The following CNTN2 variants were observed in gnomAD, a reference collection of about 807,000 sequenced individuals.
CNTN2 encodes the protein contactin-2.
CNTN2 carries 53 observed loss-of-function variants against 117.5 expected under a neutral mutation model. The ratio of observed to expected loss-of-function variants is 0.45; its 90% CI spans 0.36 to 0.57. The LOEUF is 0.57. Among genes scored for constraint, CNTN2 ranks in the 20% least tolerant of loss-of-function variants. CNTN2 has a pLI of 0.00. For synonymous variants in CNTN2, 530 were observed against 561.7 expected, an observed-to-expected ratio of 0.94 and a Z score of 0.80; for missense variants, 1,106 against 1,404.3, an observed-to-expected ratio of 0.79 and a Z score of 3.39.
At position 205,059,472 on chromosome 1, in the gene CNTN2, T is replaced by C; in HGVS notation, c.698-111T>C. On this transcript the variant is annotated intron_variant, in intron 6 of 22. Transcript: ENST00000331830. This position sits in a 1 kb window ranked among gnomAD's most constrained non-coding sequence, Gnocchi z 5.6. ...CCCTTGCCCCAGGCCTCAAGGAGAT[T>C]CCACACAGCTGCCTAGACAGAGTTG... 4.8e-6 allele frequency: 6 copies of C among 1,243,036 alleles called. No homozygotes were observed. The highest frequency in any genetic ancestry group is 7.0e-6 in the Non-Finnish European group (6 of 856,156). The allele number at this position is 1,243,036 out of a possible 1,614,324, so 77.0% of individuals were successfully genotyped here. A position where few individuals can be genotyped will look rare whatever the true frequency, so the allele number is the denominator to read the frequency against.
rs144433031 is a variant in CNTN2, at chr1:205,069,092, G to A, written c.2126-399G>A. The A allele has an allele frequency of 5.6e-4, 94 of 168,012 alleles. 2 individuals carry two copies. In the East Asian group the frequency reaches 0.013, roughly 23 times the overall value. 10.4% of individuals were successfully genotyped at this position (168,012 alleles called of 1,614,324 possible). ...ATTTATTCCCCTTATTTTAAAGCGA[G>A]TGAGAGTTGGTCTCTGTGATTTAGT... On this transcript the variant is annotated intron_variant, in intron 16 of 22. Transcript: ENST00000331830.
At position 205,069,866 on chromosome 1, in the gene CNTN2, T is replaced by G; in HGVS notation, c.2236T>G (p.Tyr746Asp). The change falls in exon 18 of 23, where the codon TAC (tyrosine) becomes GAC (aspartate). Residue 746 changes from tyrosine (Y) to aspartate (D), a missense_variant. Physicochemically the swap from Tyr to Asp is radical, Grantham distance 160. Coordinates refer to ENST00000331830, the MANE Select transcript of CNTN2 (RefSeq NM_005076.5). Reference sequence around the variant, plus strand: ...GTACCAGAACGGAGACGGCTTCGGCTACCTGCTGTCCTTCCGCAGGCAGGG... The same window carrying G: ...GTACCAGAACGGAGACGGCTTCGGCGACCTGCTGTCCTTCCGCAGGCAGGG... ...REYQNGDGFG[Y>D]LLSFRRQGST... The G allele has an allele frequency of 3.1e-6, 5 of 1,613,822 alleles. No individual in the cohort carries two copies. The highest frequency in any genetic ancestry group is 4.2e-6 in the Non-Finnish European group (5 of 1,179,990).
At position 205,073,496 on chromosome 1, in the gene CNTN2, A is replaced by G; in HGVS notation, c.3014-160A>G. The G allele has an allele frequency of 1.3e-6, 1 of 745,456 alleles. No individual in the cohort carries two copies. The allele number at this position is 745,456 out of a possible 1,614,324, so 46.2% of individuals were successfully genotyped here. Reference sequence around the variant, plus strand: ...ACCAACCAGCAATAGCAAACGGCCTACAAAGCACCGTAGGAGTCGGACTGA... The same window carrying G: ...ACCAACCAGCAATAGCAAACGGCCTGCAAAGCACCGTAGGAGTCGGACTGA... On this transcript the variant is annotated intron_variant, in intron 22 of 22. Coordinates refer to ENST00000331830, the MANE Select transcript of CNTN2 (RefSeq NM_005076.5). The surrounding 1 kb of genome is among the most constrained non-coding windows in gnomAD (Gnocchi z 6.3).
At chr1:205,047,675 T>G (rs2096444038) in intron 1 of CNTN2, among the ~76,000 whole-genome samples, 1 of 152,092 alleles carries the variant, frequency 6.6e-6, no homozygotes, top group African/African-American at 2.4e-5. Flanking sequence ...GCCCAGGAGA[T>G]TGTGGGTTTG....
intron 16 of CNTN2, chr1:205,067,952 AAAAG>A (rs1558551863): frequency 6.5e-6 from 1 of 153,070 alleles, no homozygotes; most frequent in African/African-American, 2.5e-5. Context: ...AAAAAAAAAA[AAAAG>A]AAAGAAAAAA....
At position 205,059,615 on chromosome 1, in the gene CNTN2, C is replaced by T. The variant is rs746384894; in HGVS notation, c.730C>T (p.Arg244Trp). The change falls in exon 7 of 23, where the codon CGG becomes TGG. Residue 244 changes from arginine (R) to tryptophan (W), a missense_variant. Transcript: ENST00000331830. This position sits in a 1 kb window ranked among gnomAD's most constrained non-coding sequence, Gnocchi z 5.6. ...GCTCTTTGCACCCAGCATCAAGGCC[C>T]GGTTCCCAGCAGAGACCTATGCACT... ...TRLFAPSIKA[R>W]FPAETYALVG... The T allele has an allele frequency of 1.5e-5, 25 of 1,614,072 alleles. No individual in the cohort carries two copies. Among genetic ancestry groups the T allele is most frequent in the Non-Finnish European group, 1.8e-5 (21 of 1,180,040 alleles).
intron 2 of CNTN2, among the ~76,000 whole-genome samples, chr1:205,056,953 C>A (rs1653662896): frequency 6.6e-6 from 1 of 152,202 alleles, no homozygotes; most frequent in Non-Finnish European, 1.5e-5. Flanking sequence ...GCTGGGTGAC[C>A]ATGGGCAAGT....
At chr1:205,069,331 C>T in intron 16 of CNTN2, 160 bp from the exon 17 acceptor site, 1 of 586,450 alleles carries the variant, frequency 1.7e-6, no homozygotes, top group South Asian at 2.3e-5. Flanking sequence ...TCAGGACTGC[C>T]TGACTCCAAA....
Position 205,049,282 on chromosome 1 carries a change from ACACAC to A in CNTN2, c.-86-3817_-86-3813del, listed in dbSNP as rs1558534838. The stretch of plus-strand genomic sequence containing the variant: ...GCAAGGGGCTGAGTCCTCACACCCG[ACACAC>A]ACACACACACACACACACACACACA... On this transcript the variant is annotated intron_variant, in intron 1 of 22. Transcript: ENST00000331830. Among the ~76,000 whole-genome samples, 371 of 48,866 alleles carry A rather than the reference ACACAC, an allele frequency of 7.6e-3. 3 individuals are homozygous for A. Among genetic ancestry groups the A allele is most frequent in the East Asian group, 0.034 (128 of 3,726 alleles). The allele number at this position is 48,866 out of a possible 152,430, so 32.1% of individuals were successfully genotyped here.
intron 1 of CNTN2, among the ~76,000 whole-genome samples, chr1:205,044,005 A>G (rs1252113008): frequency 6.6e-6 from 1 of 152,086 alleles, no homozygotes; most frequent in African/African-American, 2.4e-5. Context: ...GGCCAGTCAC[A>G]TCCCAAAGGG....
At chr1:205,063,905 A>G (rs1654120180) in intron 10 of CNTN2, among the ~76,000 whole-genome samples, 1 of 151,992 alleles carries the variant, frequency 6.6e-6, no homozygotes, top group South Asian at 2.1e-4. Flanking sequence ...AGAGAGAGAG[A>G]GAGAAAAAAA....
chr1:205,052,349 A>G (rs919855102), intron 1 of CNTN2, among the ~76,000 whole-genome samples: 2 of 152,232 alleles, frequency 1.3e-5, no homozygotes, highest in Non-Finnish European at 2.9e-5. Context: ...CTGATGGGAC[A>G]GGCATCTGAC....
Position 205,058,448 on chromosome 1 carries a change from G to A in CNTN2, c.391+92G>A, listed in dbSNP as rs536047902. ...AAAGGATAAGGGACACCCTCAAGCCGGGCCTTCCTGACCTCACATGACATG... is the reference window on the plus strand; with the variant it reads ...AAAGGATAAGGGACACCCTCAAGCCAGGCCTTCCTGACCTCACATGACATG... On this transcript the variant is annotated intron_variant, in intron 4 of 22. Transcript: ENST00000331830. This position sits in a 1 kb window ranked among gnomAD's most constrained non-coding sequence, Gnocchi z 4.3. 1.9e-4 allele frequency: 297 copies of A among 1,538,656 alleles called. No homozygotes were observed. The highest frequency in any genetic ancestry group is 2.4e-4 in the Admixed American group (13 of 55,302).
chr1:205,051,371 AGGG>A (rs1428899235), intron 1 of CNTN2, among the ~76,000 whole-genome samples: 1 of 152,232 alleles, frequency 6.6e-6, no homozygotes, highest in African/African-American at 2.4e-5. Flanking sequence ...AGACATGGAC[AGGG>A]CCTTGCAGGA....
chr1:205,053,460 CAT>C (rs2151186097), intron 2 of CNTN2, among the ~76,000 whole-genome samples: 1 of 152,162 alleles, frequency 6.6e-6, no homozygotes, highest in East Asian at 1.9e-4. Flanking sequence ...ATGTCTTTGC[CAT>C]ATTATAGATG....
At position 205,065,244 on chromosome 1, in the gene CNTN2, C is replaced by A. The variant is rs770974958; in HGVS notation, c.1677C>A (p.His559Gln). The A allele has an allele frequency of 8.1e-6, 13 of 1,614,050 alleles. 1 individual carries two copies. The highest frequency in any genetic ancestry group is 1.3e-5 in the African/African-American group (1 of 74,922). ...FPIDFDKPGG[H>Q]YRRTNVKETI... Reference sequence around the variant, plus strand: ...TCGACTTTGATAAGCCTGGAGGGCACTACCGGAGAACTAATGTGGTGAGAC... The same window carrying A: ...TCGACTTTGATAAGCCTGGAGGGCAATACCGGAGAACTAATGTGGTGAGAC... Residue 559 changes from histidine to glutamine, a missense_variant, in exon 13 of 23, where the codon CAC (histidine) becomes CAA (glutamine). Transcript: ENST00000331830. This position sits in a 1 kb window ranked among gnomAD's most constrained non-coding sequence, Gnocchi z 4.1.
intron 20 of CNTN2, 24 bp downstream of exon 20, chr1:205,072,157 G>C: frequency 6.3e-7 from 1 of 1,585,110 alleles, no homozygotes. Context: ...CCTGGGGTGG[G>C]GGTAGGGCAA....
In CNTN2 at chr1:205,059,512, T is replaced by C. The variant is rs1304767306; in HGVS notation, c.698-71T>C. On this transcript the variant is annotated intron_variant, in intron 6 of 22. Coordinates refer to ENST00000331830, the MANE Select transcript of CNTN2 (RefSeq NM_005076.5). This position sits in a 1 kb window ranked among gnomAD's most constrained non-coding sequence, Gnocchi z 5.6. ...AGACAGAGTTGGCTCTGAAAGGTGC[T>C]GAGATCCCATGCACGGGAGCACCTG... The C allele has an allele frequency of 1.0e-5, 15 of 1,435,372 alleles. No homozygotes were observed. The highest frequency in any genetic ancestry group is 1.4e-5 in the Non-Finnish European group (14 of 1,018,552). The allele number at this position is 1,435,372 out of a possible 1,614,324, so 88.9% of individuals were successfully genotyped here.
chr1:205,051,109 G>A lies in CNTN2; in HGVS notation c.-86-1991G>A, dbSNP rs117961713. Among the ~76,000 whole-genome samples the A allele has an allele frequency of 6.5e-4, 99 of 152,358 alleles. 3 individuals carry two copies. In the East Asian group the frequency reaches 0.016, roughly 24 times the overall value. ...ACGCATGTGTTCACTGGCTCCTGGA[G>A]GCATATAATCACAGTTGTTCTTGAC... On this transcript the variant is annotated intron_variant, in intron 1 of 22. Transcript: ENST00000331830.
Sources: allele counts gnomAD v4.1 joint callset (sites outside exome capture counted in the v4.1 genomes callset), GRCh38; gene constraint gnomAD v4.1.1; non-coding constraint Gnocchi (gnomAD v3.1); transcripts MANE v1.5; gene names NCBI Gene and HGNC (gene_info 2026-07-23, HGNC 2026-07-21).